Variants in SASH1 observed in about 807,000 individuals in gnomAD.
SASH1 encodes the protein SAM and SH3 domain containing 1, also known as SAM and SH3 domain-containing protein 1.
Under a neutral mutation model 125.2 loss-of-function variants are expected in SASH1, and 44 were observed. That is an observed-to-expected ratio of 0.35 (90% CI 0.28 to 0.45). SASH1 has a LOEUF of 0.45. SASH1 is among the 20% of genes least tolerant of loss of function. The probability of loss-of-function intolerance (pLI) is 1.00; values close to 1 mark genes in which losing one functional copy is unlikely to be tolerated. For missense variants in SASH1, 1,426 were observed against 1,614.5 expected (o/e 0.88, Z 2.00); for synonymous variants, 639 against 649.1 (o/e 0.98, Z 0.24).
intron 1 of SASH1, among the ~76,000 whole-genome samples, chr6:148,276,886 A>G (rs558672272): frequency 6.6e-6 from 1 of 152,198 alleles, no homozygotes; most frequent in South Asian, 2.1e-4. Flanking sequence ...GGAGTTAGAG[A>G]CAAGCCTGGG....
chr6:148,337,907 T>A (rs1401828566), upstream of SASH1, among the ~76,000 whole-genome samples: 1 of 152,158 alleles, frequency 6.6e-6, no homozygotes, highest in Admixed American at 6.5e-5. Context: ...AACTTTTGCA[T>A]CTCTACTAGA....
intron 2 of SASH1, among the ~76,000 whole-genome samples, chr6:148,398,200 A>G (rs942995366): frequency 2.6e-5 from 4 of 152,254 alleles, no homozygotes; most frequent in Non-Finnish European, 5.9e-5. Context: ...TATTAATGAT[A>G]TAAAAGATAA....
the SASH1 span, among the ~76,000 whole-genome samples, chr6:148,242,825 C>T: frequency 6.6e-6 from 1 of 151,964 alleles, no homozygotes; most frequent in Non-Finnish European, 1.5e-5. Context: ...ATGAACTAGC[C>T]CAAGCCAAAA....
At chr6:148,496,790 T>A (rs1779328521) in intron 8 of SASH1, among the ~76,000 whole-genome samples, 1 of 152,062 alleles carries the variant, frequency 6.6e-6, no homozygotes, top group Non-Finnish European at 1.5e-5. Context: ...GGAGGATTTC[T>A]TGAGCCCAAG....
chr6:148,409,976 C>T (rs1345182535), intron 2 of SASH1, among the ~76,000 whole-genome samples: 1 of 151,768 alleles, frequency 6.6e-6, no homozygotes, highest in African/African-American at 2.4e-5. Flanking sequence ...TAACTTTCAC[C>T]CCAGACTATA....
chr6:148,533,700 T>A lies in SASH1; in HGVS notation c.1735-71T>A. The A allele has an allele frequency of 7.1e-7, 1 of 1,405,454 alleles. No homozygotes were observed. Among genetic ancestry groups the A allele is most frequent in the Non-Finnish European group, 9.9e-7 (1 of 1,009,264 alleles). 87.1% of individuals were successfully genotyped at this position (1,405,454 alleles called of 1,614,324 possible). On this transcript the variant is annotated intron_variant, in intron 14 of 19. Transcript: ENST00000367467. The surrounding 1 kb of genome is among the most constrained non-coding windows in gnomAD (Gnocchi z 6.2). ...TCTTCACTTCTGCATGACCTGTGTA[T>A]CTGACAGATTCTTGATTTGTACGTT...
chr6:148,398,827 T>A (rs186268595), intron 2 of SASH1, among the ~76,000 whole-genome samples: 4 of 152,326 alleles, frequency 2.6e-5, no homozygotes, highest in Admixed American at 2.6e-4. Context: ...TGATGTCAAA[T>A]ACACTGAAGC....
At chr6:148,389,847 G>C (rs1388417013) in intron 1 of SASH1, among the ~76,000 whole-genome samples, 1 of 152,208 alleles carries the variant, frequency 6.6e-6, no homozygotes, top group Non-Finnish European at 1.5e-5. Flanking sequence ...GACCGTCCGA[G>C]GTTGGAGAGC....
At chr6:148,222,778 A>ATCTCTC in the SASH1 span, among the ~76,000 whole-genome samples, 64 of 146,842 alleles carry the variant, frequency 4.4e-4, no homozygotes, top group Non-Finnish European at 6.0e-4. Flanking sequence ...TTCCCCTTCG[A>ATCTCTC]TCTCTCTCTC....
chr6:148,390,653 T>G (rs1416759297), intron 2 of SASH1, among the ~76,000 whole-genome samples: 2 of 151,860 alleles, frequency 1.3e-5, no homozygotes, highest in South Asian at 2.1e-4. Flanking sequence ...CCGGGCGTGG[T>G]GATGGGTGCC....
At chr6:148,287,866 C>T (rs1562307336) in intron 1 of SASH1, among the ~76,000 whole-genome samples, 1 of 152,258 alleles carries the variant, frequency 6.6e-6, no homozygotes, top group East Asian at 1.9e-4. Context: ...TTTGTGTTTC[C>T]CTCTTCTTAG....
chr6:148,281,004 C>G, intron 1 of SASH1, among the ~76,000 whole-genome samples: 1 of 151,396 alleles, frequency 6.6e-6, no homozygotes, highest in Non-Finnish European at 1.5e-5. Context: ...AATGCAGTGT[C>G]ATGATCTTGG....
chr6:148,521,842 C>T (rs1462070493), intron 10 of SASH1, among the ~76,000 whole-genome samples: 2 of 152,198 alleles, frequency 1.3e-5, no homozygotes, highest in African/African-American at 2.4e-5. Context: ...AGAACAGACG[C>T]ACTTCTTCTG....
the SASH1 span, among the ~76,000 whole-genome samples, chr6:148,251,765 A>G: frequency 6.6e-6 from 1 of 151,654 alleles, no homozygotes; most frequent in Non-Finnish European, 1.5e-5. Context: ...CATGTGCCAT[A>G]CTAGTGTGCT....
intron 4 of SASH1, among the ~76,000 whole-genome samples, chr6:148,461,397 A>T (rs1445240577): frequency 6.6e-6 from 1 of 152,252 alleles, no homozygotes; most frequent in Non-Finnish European, 1.5e-5. Flanking sequence ...GCTTGACAAA[A>T]TGTCACCCAT....
rs181546705 is a variant in SASH1, at chr6:148,548,397, G to A, written c.3583G>A (p.Ala1195Thr). 8.1e-6 allele frequency: 13 copies of A among 1,614,122 alleles called. No individual in the cohort carries two copies. In the East Asian group the frequency reaches 8.9e-5, roughly 11 times the overall value. Reference protein sequence around the residue: ...WLISIGLPMYAGTLSTAGFST... With the variant: ...WLISIGLPMYTGTLSTAGFST... Reference sequence around the variant, plus strand: ...CATTTCCATCGGTCTGCCCATGTACGCCGGCACCCTCTCCACCGCGGGCTT... The same window carrying A: ...CATTTCCATCGGTCTGCCCATGTACACCGGCACCCTCTCCACCGCGGGCTT... Residue 1195 changes from alanine to threonine, a missense_variant, in exon 20 of 20, where the codon GCC becomes ACC. Physicochemically the swap from Ala to Thr is moderately conservative, Grantham distance 58. Coordinates refer to ENST00000367467, the MANE Select transcript of SASH1 (RefSeq NM_015278.5).
intron 2 of SASH1, among the ~76,000 whole-genome samples, chr6:148,399,214 C>CTTTTTT (rs371374910): frequency 2.1e-4 from 22 of 106,660 alleles, no homozygotes; most frequent in African/African-American, 7.0e-4. Flanking sequence ...ATTTCAGCTT[C>CTTTTTT]TTTTTTTTTT....
the SASH1 span, among the ~76,000 whole-genome samples, chr6:148,261,986 T>C: frequency 5.3e-5 from 8 of 152,090 alleles, no homozygotes; most frequent in Admixed American, 4.6e-4. Flanking sequence ...GATGGAAGAA[T>C]TGAATCACAC....
At chr6:148,470,138 C>T (rs541011427) in intron 5 of SASH1, among the ~76,000 whole-genome samples, 19 of 152,250 alleles carry the variant, frequency 1.2e-4, no homozygotes, top group African/African-American at 4.3e-4. Context: ...TGCTTTAACC[C>T]TGCATGTCTG....
Sources: gnomAD v4.1 joint callset for allele counts (sites outside exome capture counted in the v4.1 genomes callset) on GRCh38, gnomAD v4.1.1 for gene constraint, Gnocchi (gnomAD v3.1) non-coding constraint, MANE v1.5 for transcripts, NCBI Gene and HGNC (gene_info 2026-07-23, HGNC 2026-07-21) for gene names.